The following MBNL3 variants were observed in gnomAD, a reference collection of about 807,000 sequenced individuals.
MBNL3 encodes muscleblind like splicing regulator 3.
In MBNL3, 6 loss-of-function variants were observed where a neutral mutation model predicts 24.5. That is an observed-to-expected ratio of 0.25 (90% CI 0.13 to 0.48). MBNL3 has a LOEUF of 0.48. Among genes scored for constraint, MBNL3 ranks in the 20% least tolerant of loss-of-function variants. MBNL3 has a pLI of 0.99. For missense variants in MBNL3, 230 were observed against 293.5 expected (o/e 0.78, Z 1.58); for synonymous variants, 100 against 101.7 (o/e 0.98, Z 0.10).
At chrX:132,483,265 ACT>A (rs1947836401) in intron 1 of MBNL3, among the ~76,000 whole-genome samples, 1 of 111,295 alleles carries the variant, frequency 9.0e-6, no homozygotes. Context: ...ACGAATACAA[ACT>A]CTTCACTTGG....
chrX:132,436,651 T>C (rs1022339423), intron 2 of MBNL3, among the ~76,000 whole-genome samples: 5 of 111,828 alleles, frequency 4.5e-5, no homozygotes, highest in Non-Finnish European at 9.4e-5. Flanking sequence ...CAGTAACCAC[T>C]GAGGTATGTT....
At chrX:132,480,194 C>T (rs1209274680) in intron 1 of MBNL3, among the ~76,000 whole-genome samples, 1 of 111,745 alleles carries the variant, frequency 8.9e-6, no homozygotes, top group Non-Finnish European at 1.9e-5. Flanking sequence ...ATTACTATTA[C>T]AGCTCTCAAT....
chrX:132,454,696 G>A (rs1946284026), intron 1 of MBNL3, among the ~76,000 whole-genome samples: 1 of 112,018 alleles, frequency 8.9e-6, no homozygotes. Flanking sequence ...AACCCTTTGT[G>A]TCTCAACTTA....
chrX:132,464,959 C>T (rs1171695276), intron 1 of MBNL3, among the ~76,000 whole-genome samples: 1 of 111,456 alleles, frequency 9.0e-6, no homozygotes, highest in Non-Finnish European at 1.9e-5. Context: ...GCAGGAGAAT[C>T]GCTTGAACCC....
At chrX:132,401,571 A>G (rs1181459871) in intron 3 of MBNL3, among the ~76,000 whole-genome samples, 5 of 108,329 alleles carry the variant, frequency 4.6e-5, no homozygotes, top group African/African-American at 1.7e-4. Flanking sequence ...TGATCATGCC[A>G]CTGCACTCCA....
chrX:132,435,069 C>T (rs745620766), intron 2 of MBNL3, among the ~76,000 whole-genome samples: 5 of 111,056 alleles, frequency 4.5e-5, no homozygotes, highest in Non-Finnish European at 7.6e-5. Context: ...GTTTAAAAGG[C>T]GAGGCTGAAC....
rs759391668 is a variant in MBNL3 at position 132,445,792 on chromosome X, A to G, written c.-703-5478T>C. The stretch of plus-strand genomic sequence containing the variant: ...AATAAATGCCATTTAAAGTTTTATT[A>G]TCATTATTATTTTTTAATTGTACTT... On this transcript the variant is annotated intron_variant, in intron 1 of 8. Coordinates refer to ENST00000370853, the MANE Select transcript of MBNL3 (RefSeq NM_001386889.1). Among the ~76,000 whole-genome samples, 331 of 111,540 alleles carry G rather than the reference A, an allele frequency of 3.0e-3. 1 individual carries two copies. Among genetic ancestry groups the G allele is most frequent in the African/African-American group, 9.9e-3 (304 of 30,727 alleles).
intron 1 of MBNL3, among the ~76,000 whole-genome samples, chrX:132,466,798 G>A (rs1037808408): frequency 4.5e-5 from 5 of 111,494 alleles, no homozygotes; most frequent in Non-Finnish European, 9.4e-5. Flanking sequence ...TGGCCTGGTC[G>A]GTGAGGCAGG....
intron 1 of MBNL3, among the ~76,000 whole-genome samples, chrX:132,442,567 A>G (rs951843379): frequency 4.4e-5 from 5 of 112,479 alleles, no homozygotes; most frequent in Non-Finnish European, 7.5e-5. Flanking sequence ...CTATCTATCT[A>G]TACAAGATCT....
At chrX:132,441,518 C>A (rs940581239) in intron 1 of MBNL3, among the ~76,000 whole-genome samples, 2 of 112,099 alleles carry the variant, frequency 1.8e-5, no homozygotes, top group African/African-American at 6.5e-5. Context: ...TGTTCTAGAG[C>A]GTTGAAGTTG....
chrX:132,410,593 A>T (rs893807175), intron 2 of MBNL3, among the ~76,000 whole-genome samples: 2 of 112,679 alleles, frequency 1.8e-5, no homozygotes, highest in African/African-American at 6.4e-5. Flanking sequence ...GTTAAAAGTT[A>T]AATGTTAAAT....
intron 5 of MBNL3, among the ~76,000 whole-genome samples, chrX:132,388,427 CT>C (rs1409679135): frequency 8.9e-6 from 1 of 112,292 alleles, no homozygotes; most frequent in African/African-American, 3.2e-5. Context: ...ACCTACTTAT[CT>C]GGTTGTTAAA....
At chrX:132,411,007 C>T (rs930281043) in intron 2 of MBNL3, among the ~76,000 whole-genome samples, 3 of 112,109 alleles carry the variant, frequency 2.7e-5, no homozygotes, top group Non-Finnish European at 3.8e-5. Flanking sequence ...AAAGAGCAGC[C>T]TTAAAATTCT....
intron 1 of MBNL3, among the ~76,000 whole-genome samples, chrX:132,484,501 CACCAGTTGAAGGCAATG>C (rs770863325): frequency 9.0e-6 from 1 of 111,708 alleles, no homozygotes; most frequent in Admixed American, 9.5e-5. Context: ...CAATTTTCCA[CACCAGTTGAAGGCAATG>C]CCAAGAAGCT....
At chrX:132,411,828 T>C (rs1942777122) in intron 2 of MBNL3, among the ~76,000 whole-genome samples, 1 of 111,717 alleles carries the variant, frequency 9.0e-6, no homozygotes. Context: ...ACTTTCAATC[T>C]CCAGGGATGT....
chrX:132,402,722 CA>C (rs1941149374), intron 3 of MBNL3, among the ~76,000 whole-genome samples: 1 of 111,878 alleles, frequency 8.9e-6, no homozygotes, highest in South Asian at 3.7e-4. Context: ...ATAGAGTGAA[CA>C]AACTTGCCTG....
At chrX:132,387,877 A>C (rs1329865679) in intron 5 of MBNL3, among the ~76,000 whole-genome samples, 1 of 112,106 alleles carries the variant, frequency 8.9e-6, no homozygotes, top group East Asian at 2.8e-4. Context: ...TCATGTCTAC[A>C]GTTCTTTCAA....
chrX:132,377,408 A>G lies in MBNL3; in HGVS notation c.*2258T>C, dbSNP rs1456195663. The stretch of plus-strand genomic sequence containing the variant: ...TCTCTAATTCCACGCAACATTGTCA[A>G]CAGCTGACAATGACTCAATACAAGC... On this transcript the variant is annotated 3_prime_UTR_variant, in exon 9 of 9. Coordinates refer to ENST00000370853, the MANE Select transcript of MBNL3 (RefSeq NM_001386889.1). 8.9e-6 allele frequency: 1 copy of G among 112,049 alleles called. No individual in the cohort carries two copies. The allele number at this position is 112,049 out of a possible 1,213,427, so 9.2% of individuals were successfully genotyped here. A position where few individuals can be genotyped will look rare whatever the true frequency, so the allele number is the denominator to read the frequency against.
In MBNL3 at chrX:132,372,459, A is replaced by G. The variant is rs1933700355; in HGVS notation, c.*7207T>C. The G allele has an allele frequency of 1.9e-5, 2 of 107,957 alleles. No homozygotes were observed. Among genetic ancestry groups the G allele is most frequent in the South Asian group, 7.6e-4 (2 of 2,648 alleles). 8.9% of individuals were successfully genotyped at this position (107,957 alleles called of 1,213,427 possible). A position where few individuals can be genotyped will look rare whatever the true frequency, so the allele number is the denominator to read the frequency against. On this transcript the variant is annotated 3_prime_UTR_variant, in exon 9 of 9. Transcript: ENST00000370853. ...CATTTTCTGTTAAAGCAGCAACAAT[A>G]ATATTAAAATATTATTAATATTATA...
Sources: gnomAD v4.1 joint callset for allele counts (sites outside exome capture counted in the v4.1 genomes callset) on GRCh38, gnomAD v4.1.1 for gene constraint, MANE v1.5 for transcripts, NCBI Gene and HGNC (gene_info 2026-07-23, HGNC 2026-07-21) for gene names.